Variants in AKAP9 observed in about 807,000 individuals in gnomAD.
The protein encoded by AKAP9 is A-kinase anchoring protein 9.
Under a neutral mutation model 488.5 loss-of-function variants are expected in AKAP9, and 311 were observed. The observed-to-expected ratio is 0.64, with a 90% CI of 0.58 to 0.70. The LOEUF is 0.70. Ranked by LOEUF, AKAP9 falls within the 30% of genes least tolerant of loss-of-function variation. AKAP9 has a pLI of 0.00. For synonymous variants in AKAP9, 1,462 were observed against 1,483.5 expected (o/e 0.99, Z 0.33); for missense variants, 4,215 against 4,374.5 (o/e 0.96, Z 1.03).
Position 92,096,979 on chromosome 7 carries a change from C to T in AKAP9, c.10020C>T (p.Pro3340=), listed in dbSNP as rs1404324133. 3.7e-6 allele frequency: 6 copies of T among 1,614,146 alleles called. No homozygotes were observed. The highest frequency in any genetic ancestry group is 4.5e-5 in the East Asian group (2 of 44,888). ...CTGGACAGTCTCGGCCACCCTTGCC[C>T]TCAGAGGACCTACTGAAAGAGCTGC... The part of the protein sequence containing the change: ...DGTGQSRPPL[P]SEDLLKELQK... Residue 3340 remains proline, a synonymous_variant, in exon 41 of 50, where the codon CCC becomes CCT. Transcript: ENST00000356239.
In AKAP9 at chr7:91,980,215, AGTAATG is replaced by A. The variant is rs1269064553; in HGVS notation, c.307-71_307-66del. 44 of 853,768 alleles carry A rather than the reference AGTAATG, an allele frequency of 5.2e-5. No homozygotes were observed. In the African/African-American group the frequency reaches 6.4e-4, roughly 12 times the overall value. The allele number at this position is 853,768 out of a possible 1,614,324, so 52.9% of individuals were successfully genotyped here. A position where few individuals can be genotyped will look rare whatever the true frequency, so the allele number is the denominator to read the frequency against. ...GACTTTTCTATCATATGTTACCAAT[AGTAATG>A]GTTTAGTAAAGTATGATATTTAGCA... is the stretch of plus-strand genomic sequence containing the variant. On this transcript the variant is annotated intron_variant, in intron 2 of 49. Transcript: ENST00000356239.
In AKAP9 at chr7:92,086,429, T is replaced by G; in HGVS notation, c.9213+13T>G. 1 of 1,601,410 alleles carries G rather than the reference T, an allele frequency of 6.2e-7. No homozygotes were observed. Among genetic ancestry groups the G allele is most frequent in the Non-Finnish European group, 8.6e-7 (1 of 1,168,636 alleles). On this transcript the variant is annotated intron_variant, in intron 37 of 49. Transcript: ENST00000356239. ...AATACAAGAACAGGTATAATGAAAC[T>G]TCATTTTAAAAACACTTTAATAGAA...
rs1814191057 is a variant in AKAP9, at chr7:92,084,678, C to A, written c.8685C>A (p.Tyr2895Ter). The A allele has an allele frequency of 6.2e-7, 1 of 1,610,330 alleles. No homozygotes were observed. The highest frequency in any genetic ancestry group is 1.3e-5 in the African/African-American group (1 of 74,796). The change falls in exon 34 of 50, where the codon TAC (tyrosine) becomes TAA (stop). Residue 2895 changes from tyrosine (Y) to a stop codon, truncating the protein, a stop_gained. Coordinates refer to ENST00000356239, the MANE Select transcript of AKAP9 (RefSeq NM_005751.5). LOFTEE classifies it high-confidence loss of function. ...CTGAGCTAGCACATTCTGATGCTTA[C>A]CAGACTAGAGAAATATGCTCCAGTG... is the stretch of plus-strand genomic sequence containing the variant. ...SIPELAHSDAYQTREICSSDS... is the reference protein window; with the variant it reads ...SIPELAHSDA
At chr7:92,004,286 G>A (rs1409722688) in intron 8 of AKAP9, among the ~76,000 whole-genome samples, 3 of 152,136 alleles carry the variant, frequency 2.0e-5, no homozygotes, top group African/African-American at 7.2e-5. Context: ...TGGCAATGTG[G>A]GCTCTTTTTT....
chr7:92,029,714 A>G (rs1223292458), intron 14 of AKAP9, among the ~76,000 whole-genome samples, 181 bp from the exon 15 acceptor site: 4 of 152,226 alleles, frequency 2.6e-5, no homozygotes, highest in African/African-American at 9.6e-5. Context: ...CTGTTATTCA[A>G]TTGTGTTCTT....
chr7:91,960,161 A>C (rs1209593265), intron 1 of AKAP9, among the ~76,000 whole-genome samples: 3 of 152,230 alleles, frequency 2.0e-5, no homozygotes, highest in African/African-American at 7.2e-5. Context: ...AAAACAAAAA[A>C]CAGCTCTATT....
At chr7:92,097,512 T>C (rs770271510) in intron 41 of AKAP9, 74 bp from the exon 42 acceptor site, 150 of 1,536,708 alleles carry the variant, frequency 9.8e-5, no homozygotes, top group Non-Finnish European at 1.2e-4. Flanking sequence ...ACAATAATTG[T>C]GTTCCCTTAA....
chr7:92,018,435 C>CACACACACACAT (rs1554413473), intron 12 of AKAP9, among the ~76,000 whole-genome samples: 3 of 140,976 alleles, frequency 2.1e-5, no homozygotes, highest in South Asian at 4.5e-4. Context: ...CACACACACA[C>CACACACACACAT]ACACACAGAG....
chr7:92,047,558 G>A (rs906246269), intron 21 of AKAP9, among the ~76,000 whole-genome samples: 3 of 152,088 alleles, frequency 2.0e-5, no homozygotes, highest in African/African-American at 7.2e-5. Flanking sequence ...GTTTAATTCT[G>A]CAGACATTTA....
At chr7:91,959,841 C>G (rs371301526) in intron 1 of AKAP9, among the ~76,000 whole-genome samples, 67 of 152,248 alleles carry the variant, frequency 4.4e-4, no homozygotes, top group African/African-American at 1.3e-3. Context: ...CTGTTTGGCA[C>G]TGTTATTTTC....
chr7:92,058,986 A>G (rs1256217599), intron 22 of AKAP9, among the ~76,000 whole-genome samples: 2 of 152,028 alleles, frequency 1.3e-5, no homozygotes, highest in Non-Finnish European at 2.9e-5. Context: ...ATAAGTGTTT[A>G]GCATAAAGAG....
Position 92,095,187 on chromosome 7 carries a change from T to C in AKAP9, c.9729+14T>C, listed in dbSNP as rs1278550344. 3 of 1,613,986 alleles carry C rather than the reference T, an allele frequency of 1.9e-6. No individual in the cohort carries two copies. The highest frequency in any genetic ancestry group is 2.5e-6 in the Non-Finnish European group (3 of 1,179,956). The stretch of plus-strand genomic sequence containing the variant: ...GAAGAACTTGAGGTACTGTTATCTT[T>C]GTCTTTAAATGTCTGGAAAATCCAG... On this transcript the variant is annotated intron_variant, in intron 40 of 49. Transcript: ENST00000356239.
At chr7:92,046,220 G>T (rs1210204902) in intron 21 of AKAP9, among the ~76,000 whole-genome samples, 1 of 152,098 alleles carries the variant, frequency 6.6e-6, no homozygotes, top group Non-Finnish European at 1.5e-5. Flanking sequence ...AGAGGGAAAT[G>T]AGGAAATCAA....
At position 92,054,695 on chromosome 7, in the gene AKAP9, A is replaced by G. The variant is rs568043951; in HGVS notation, c.5601+1737A>G. ...ATTTGATTTGAGGGGTAACTTGCCC[A>G]GTGGTATGTCCAAGTCCATATTATA... On this transcript the variant is annotated intron_variant, in intron 22 of 49. Coordinates refer to ENST00000356239, the MANE Select transcript of AKAP9 (RefSeq NM_005751.5). 5.3e-5 allele frequency among the ~76,000 whole-genome samples: 8 copies of G among 152,206 alleles called. No individual in the cohort carries two copies. The East Asian group carries it at 1.5e-3, about 29-fold the overall frequency.
chr7:92,002,270 A>G lies in AKAP9; in HGVS notation c.2353A>G (p.Lys785Glu). The change falls in exon 8 of 50, where the codon AAA (lysine) becomes GAA (glutamate). Residue 785 changes from lysine (K) to glutamate (E), a missense_variant. Lys to Glu is a moderately conservative substitution (Grantham distance 56, BLOSUM62 1). Around this residue, in one of 5 missense-constraint regions of AKAP9, gnomAD observed 2,361 missense variants for 2,430.0 expected, o/e 0.97. Transcript: ENST00000356239. ...AENSILKDEK[K>E]TLEDMLKIHT... Reference sequence around the variant, plus strand: ...GAATAGCATTCTTAAAGATGAAAAGAAAACCCTTGAAGACATGTTGAAAAT... The same window carrying G: ...GAATAGCATTCTTAAAGATGAAAAGGAAACCCTTGAAGACATGTTGAAAAT... The G allele has an allele frequency of 6.2e-7, 1 of 1,603,532 alleles. No individual in the cohort carries two copies. Among genetic ancestry groups the G allele is most frequent in the Non-Finnish European group, 8.5e-7 (1 of 1,177,226 alleles).
chr7:92,081,497 A>ATATAT (rs1370452281), intron 31 of AKAP9, among the ~76,000 whole-genome samples: 26 of 85,378 alleles, frequency 3.0e-4, no homozygotes, highest in African/African-American at 1.0e-3. Flanking sequence ...ATATATATAT[A>ATATAT]TTTTTTTTTT....
intron 22 of AKAP9, among the ~76,000 whole-genome samples, chr7:92,054,008 T>C (rs1808381966): frequency 6.6e-6 from 1 of 152,206 alleles, no homozygotes; most frequent in Admixed American, 6.5e-5. Context: ...TATAAAATGT[T>C]AAACTAGTTG....
intron 38 of AKAP9, chr7:92,090,010 TC>T (rs1263097042): frequency 6.3e-6 from 1 of 157,764 alleles, no homozygotes; most frequent in African/African-American, 2.4e-5. Flanking sequence ...ATAGCCAGTA[TC>T]CCAACAGCCC....
intron 29 of AKAP9, 46 bp from the exon 30 acceptor site, chr7:92,077,650 G>A (rs1812830681): frequency 6.7e-7 from 1 of 1,501,916 alleles, no homozygotes; most frequent in Non-Finnish European, 9.3e-7. Flanking sequence ...TTCTGAAAAT[G>A]ATAGGTAATG....
Sources: allele counts gnomAD v4.1 joint callset (sites outside exome capture counted in the v4.1 genomes callset), GRCh38; gene constraint gnomAD v4.1.1; regional missense constraint gnomAD v4.1.1; transcripts MANE v1.5; gene names NCBI Gene and HGNC (gene_info 2026-07-23, HGNC 2026-07-21).